The following TSC22D1 variants were observed in gnomAD, a reference collection of about 807,000 sequenced individuals.
TSC22D1 encodes TSC22 domain family protein 1.
Under a neutral mutation model 74.2 loss-of-function variants are expected in TSC22D1, and 9 were observed. The ratio of observed to expected loss-of-function variants is 0.12; its 90% CI spans 0.07 to 0.21. The LOEUF (loss-of-function observed/expected upper bound fraction) is 0.21. Among genes scored for constraint, TSC22D1 ranks in the 10% least tolerant of loss-of-function variants. The pLI is 1.00. For missense variants in TSC22D1, 1,427 were observed against 1,304.7 expected (o/e 1.09, Z -1.44); for synonymous variants, 586 against 492.5 (o/e 1.19, Z -2.51).
chr13:44,498,385 A>G lies in TSC22D1; in HGVS notation c.2913-62290T>C, dbSNP rs117671265. On this transcript the variant is annotated intron_variant, in intron 1 of 2. Transcript: ENST00000458659. ...TAAGTTCTCTACTTCTGCCTGGGAT[A>G]CTCTTTCCCAAGTGAGCAACTTCCC... is the stretch of plus-strand genomic sequence containing the variant. Among the ~76,000 whole-genome samples, 25 of 152,228 alleles carry G rather than the reference A, an allele frequency of 1.6e-4. No homozygotes were observed. In the East Asian group the frequency reaches 4.4e-3, roughly 27 times the overall value.
Position 44,575,413 on chromosome 13 carries a change from T to C in TSC22D1, c.662A>G (p.His221Arg), listed in dbSNP as rs1884148495. 6.2e-7 allele frequency: 1 copy of C among 1,613,912 alleles called. No homozygotes were observed. The highest frequency in any genetic ancestry group is 1.7e-5 in the Admixed American group (1 of 59,962). ...INGNAHPHHL[H>R]HHHQIHHGHH... ...CCCATGATGAATCTGATGGTGGTGA[T>C]GGAGGTGGTGTGGATGAGCATTCCC... The change falls in exon 1 of 3, where the codon CAT becomes CGT. Residue 221 changes from histidine to arginine, a missense_variant. Coordinates refer to ENST00000458659, the MANE Select transcript of TSC22D1 (RefSeq NM_183422.4).
intron 1 of TSC22D1, chr13:44,437,160 C>T (rs1224836273): frequency 2.0e-6 from 2 of 985,474 alleles, no homozygotes; most frequent in African/African-American, 1.7e-5. Flanking sequence ...CTATGGGGGC[C>T]CCCACACGTG....
chr13:44,574,770 A>T lies in TSC22D1; in HGVS notation c.1305T>A (p.Ala435=). The T allele has an allele frequency of 6.2e-7, 1 of 1,614,124 alleles. No homozygotes were observed. The highest frequency in any genetic ancestry group is 1.1e-5 in the South Asian group (1 of 91,086). The change falls in exon 1 of 3, where the codon GCT becomes GCA. Residue 435 remains alanine, a synonymous_variant. Transcript: ENST00000458659. ...TCAGCACACCTTCTGTAGCAGGTAC[A>T]GCATTTTCTTTTTCATAGAACTCAG... ...TCTEFYEKEN[A]VPATEGVLIN... is the part of the protein sequence containing the mutation.
chr13:44,469,173 T>TA (rs1877457091), intron 1 of TSC22D1, among the ~76,000 whole-genome samples: 1 of 152,166 alleles, frequency 6.6e-6, no homozygotes, highest in African/African-American at 2.4e-5. Context: ...ACAGGGTACC[T>TA]ACAGGGTAAG....
chr13:44,505,862 CTT>C (rs1458857877), intron 1 of TSC22D1, among the ~76,000 whole-genome samples: 1 of 152,136 alleles, frequency 6.6e-6, no homozygotes, highest in Non-Finnish European at 1.5e-5. Flanking sequence ...CAGAAGAAAT[CTT>C]TTTTAACATG....
At chr13:44,562,816 G>A (rs1883131460) in intron 1 of TSC22D1, among the ~76,000 whole-genome samples, 1 of 152,036 alleles carries the variant, frequency 6.6e-6, no homozygotes, top group Non-Finnish European at 1.5e-5. Flanking sequence ...CTATAAAAAC[G>A]CTAAATTGAG....
chr13:44,537,183 AAT>A (rs769344429), intron 1 of TSC22D1: 55 of 872,954 alleles, frequency 6.3e-5, no homozygotes, highest in East Asian at 2.4e-4. Context: ...TCTAGAAAAA[AAT>A]AGTTTATATT....
At chr13:44,438,153 AAACTT>A (rs1343700377) in intron 1 of TSC22D1, among the ~76,000 whole-genome samples, 7 of 152,238 alleles carry the variant, frequency 4.6e-5, no homozygotes, top group African/African-American at 1.7e-4. Context: ...GCGAGAAAGA[AAACTT>A]AACCTCTACA....
chr13:44,506,624 C>T (rs1879460966), intron 1 of TSC22D1, among the ~76,000 whole-genome samples: 1 of 151,998 alleles, frequency 6.6e-6, no homozygotes, highest in Non-Finnish European at 1.5e-5. Flanking sequence ...TATCCCAGAA[C>T]TTAAAAGTGG....
intron 1 of TSC22D1, among the ~76,000 whole-genome samples, chr13:44,459,733 C>T (rs954324344): frequency 3.9e-5 from 6 of 152,342 alleles, no homozygotes; most frequent in East Asian, 3.9e-4. Flanking sequence ...CTGCACTCCC[C>T]GGTGCCCACA....
At chr13:44,505,430 T>G (rs911688847) in intron 1 of TSC22D1, among the ~76,000 whole-genome samples, 2 of 152,136 alleles carry the variant, frequency 1.3e-5, no homozygotes, top group African/African-American at 2.4e-5. Context: ...GGTGCGTGTC[T>G]ATGATCCCTG....
At chr13:44,488,195 A>G (rs188105797) in intron 1 of TSC22D1, among the ~76,000 whole-genome samples, 43 of 152,320 alleles carry the variant, frequency 2.8e-4, no homozygotes, top group Admixed American at 1.8e-3. Context: ...TCAGCACTCT[A>G]CTGGTAACTG....
chr13:44,488,901 G>A (rs753048842), intron 1 of TSC22D1, among the ~76,000 whole-genome samples: 1 of 151,986 alleles, frequency 6.6e-6, no homozygotes, highest in Admixed American at 6.5e-5. Flanking sequence ...TAAATCCAAT[G>A]GTATTCACCA....
At chr13:44,508,298 C>G (rs1879528519) in intron 1 of TSC22D1, among the ~76,000 whole-genome samples, 1 of 152,168 alleles carries the variant, frequency 6.6e-6, no homozygotes, top group Non-Finnish European at 1.5e-5. Flanking sequence ...GATTCACATA[C>G]ATAGAAACTA....
chr13:44,534,724 T>G (rs1305323677), intron 1 of TSC22D1, among the ~76,000 whole-genome samples: 1 of 152,160 alleles, frequency 6.6e-6, no homozygotes, highest in Admixed American at 6.5e-5. Context: ...AGTAAACATT[T>G]ACAGAATTCC....
chr13:44,561,482 C>G (rs1205911717), intron 1 of TSC22D1, among the ~76,000 whole-genome samples: 2 of 152,146 alleles, frequency 1.3e-5, no homozygotes, highest in African/African-American at 4.8e-5. Context: ...CAAAGTTAGC[C>G]TTATGTATAC....
chr13:44,505,493 G>GCA (rs1879406329), intron 1 of TSC22D1, among the ~76,000 whole-genome samples: 1 of 152,180 alleles, frequency 6.6e-6, no homozygotes, highest in Non-Finnish European at 1.5e-5. Context: ...GGTTGAGGCT[G>GCA]CAGTAAGCCA....
At chr13:44,482,866 G>C (rs780462033) in intron 1 of TSC22D1, among the ~76,000 whole-genome samples, 2 of 152,110 alleles carry the variant, frequency 1.3e-5, no homozygotes, top group Non-Finnish European at 2.9e-5. Context: ...AACATTTATT[G>C]AGTGCTTACT....
At chr13:44,479,486 CA>C (rs1878080983) in intron 1 of TSC22D1, among the ~76,000 whole-genome samples, 1 of 152,124 alleles carries the variant, frequency 6.6e-6, no homozygotes, top group South Asian at 2.1e-4. Context: ...TGTACCAAAG[CA>C]ATATACTGTG....
Sources: allele counts gnomAD v4.1 joint callset (sites outside exome capture counted in the v4.1 genomes callset), GRCh38; gene constraint gnomAD v4.1.1; transcripts MANE v1.5; gene names NCBI Gene and HGNC (gene_info 2026-07-23, HGNC 2026-07-21).